Variants in RNF139 observed in about 807,000 individuals in gnomAD.
RNF139 encodes ring finger protein 139.
RNF139 carries 15 observed loss-of-function variants against 49.5 expected under a neutral mutation model. That is an observed-to-expected ratio of 0.30 (90% confidence interval 0.20 to 0.47). The LOEUF (loss-of-function observed/expected upper bound fraction) is 0.47, where lower values mean the gene tolerates loss of function less well. Ranked by LOEUF, RNF139 falls within the 20% of genes least tolerant of loss-of-function variation. The probability of loss-of-function intolerance (pLI) is 1.00; values close to 1 mark genes in which losing one functional copy is unlikely to be tolerated. For synonymous variants in RNF139, 325 were observed against 300.9 expected, an observed-to-expected ratio of 1.08 and a Z score of -0.83; for missense variants, 619 against 806.3, an observed-to-expected ratio of 0.77 and a Z score of 2.81.
Position 124,487,157 on chromosome 8 carries a change from A to T in RNF139, c.1508A>T (p.His503Leu). Residue 503 changes from histidine to leucine, a missense_variant, in exon 2 of 2, where the codon CAT (histidine) becomes CTT (leucine). Coordinates refer to ENST00000303545, the MANE Select transcript of RNF139 (RefSeq NM_007218.4). Reference sequence around the variant, plus strand: ...ATTCGGGCTTTTATGATGTGCCTACATGCATATTTTAACATCTACTTACAA... The same window carrying T: ...ATTCGGGCTTTTATGATGTGCCTACTTGCATATTTTAACATCTACTTACAA... ...SKIRAFMMCL[H>L]AYFNIYLQAK... 6.2e-7 allele frequency: 1 copy of T among 1,613,992 alleles called. No individual in the cohort carries two copies. Among genetic ancestry groups the T allele is most frequent in the Non-Finnish European group, 8.5e-7 (1 of 1,180,012 alleles).
intron 1 of RNF139, among the ~76,000 whole-genome samples, chr8:124,484,677 T>C (rs1268033862): frequency 2.6e-5 from 4 of 152,184 alleles, no homozygotes; most frequent in Non-Finnish European, 5.9e-5. Flanking sequence ...CCTTGGATAA[T>C]AATGTGTTTA....
rs1002408987 is a variant in RNF139, at chr8:124,474,915, C to G, written c.-195C>G. On this transcript the variant is annotated 5_prime_UTR_variant, in exon 1 of 2. Coordinates refer to ENST00000303545, the MANE Select transcript of RNF139 (RefSeq NM_007218.4). The surrounding 1 kb of genome is among the most constrained non-coding windows in gnomAD (Gnocchi z 4.6). ...TGGGGAGCCGCCGCCGCCGCCCTCT[C>G]GGCCATCGCTGCCTCCGCCGCCTGC... The G allele has an allele frequency of 5.9e-6, 2 of 336,894 alleles. No homozygotes were observed. The highest frequency in any genetic ancestry group is 4.9e-5 in the East Asian group (1 of 20,484). 20.9% of individuals were successfully genotyped at this position (336,894 alleles called of 1,614,324 possible).
At chr8:124,477,885 A>G (rs1306427374) in intron 1 of RNF139, among the ~76,000 whole-genome samples, 2 of 152,166 alleles carry the variant, frequency 1.3e-5, no homozygotes, top group Non-Finnish European at 2.9e-5. Flanking sequence ...GAAGACCCAG[A>G]AGTTCCAAGG....
rs760408365 is a variant in RNF139 at position 124,487,366 on chromosome 8, C to T, written c.1717C>T (p.Arg573Trp). 8.7e-6 allele frequency: 14 copies of T among 1,614,108 alleles called. No homozygotes were observed. The highest frequency in any genetic ancestry group is 1.0e-5 in the Non-Finnish European group (12 of 1,180,004). ...TCATTATTTCCATGCACTTTGCCTT[C>T]GGAAATGGCTGTACATTCAAGATAC... ...CNHYFHALCL[R>W]KWLYIQDTCP... is the part of the protein sequence containing the mutation. The change falls in exon 2 of 2, where the codon CGG becomes TGG. Residue 573 changes from arginine to tryptophan, a missense_variant. Arg to Trp is a moderately radical substitution (Grantham distance 101). Transcript: ENST00000303545.
intron 1 of RNF139, among the ~76,000 whole-genome samples, chr8:124,481,780 A>C (rs779746111): frequency 6.6e-6 from 1 of 152,134 alleles, no homozygotes; most frequent in Non-Finnish European, 1.5e-5. Context: ...CTGGACTTTT[A>C]TATTTTCTTA....
In RNF139 at chr8:124,486,089, T is replaced by C; in HGVS notation, c.440T>C (p.Ile147Thr). Residue 147 changes from isoleucine (I) to threonine (T), a missense_variant, in exon 2 of 2, where the codon ATT becomes ACT. Coordinates refer to ENST00000303545, the MANE Select transcript of RNF139 (RefSeq NM_007218.4). ...FGIGYVTLLQIHSIYSQLIIL... is the reference protein window; with the variant it reads ...FGIGYVTLLQTHSIYSQLIIL... ...ATTGGATACGTTACACTACTCCAGA[T>C]TCATTCCATCTATTCACAATTAATT... 6.2e-7 allele frequency: 1 copy of C among 1,614,230 alleles called. No individual in the cohort carries two copies.
Position 124,475,166 on chromosome 8 carries a change from G to T in RNF139, c.57G>T (p.Trp19Cys). The change falls in exon 1 of 2, where the codon TGG becomes TGT. Residue 19 changes from tryptophan to cysteine, a missense_variant. This residue lies in a region of RNF139 where 89 missense variants were observed against 77.5 expected (regional missense o/e 1.15). Coordinates refer to ENST00000303545, the MANE Select transcript of RNF139 (RefSeq NM_007218.4). ...TGCGGATGGCCCATCAGCAGGTCTG[G>T]GCGGCGCTCGAAGTGGCGCTCCGGG... is the stretch of plus-strand genomic sequence containing the variant. Reference protein sequence around the residue: ...QQVRMAHQQVWAALEVALRVP... With the variant: ...QQVRMAHQQVCAALEVALRVP... 6.2e-7 allele frequency: 1 copy of T among 1,613,298 alleles called. No individual in the cohort carries two copies. The highest frequency in any genetic ancestry group is 2.2e-5 in the East Asian group (1 of 44,850).
chr8:124,488,471 A>T lies in RNF139; in HGVS notation c.*827A>T, dbSNP rs117154266. ...AGAAAAAGAAGGGGAATGGTGGGGA[A>T]TGGTGTGTACCGATATATAGTATTT... On this transcript the variant is annotated 3_prime_UTR_variant, in exon 2 of 2. Transcript: ENST00000303545. The T allele has an allele frequency of 2.0e-4, 106 of 517,296 alleles. 1 individual carries two copies. Among genetic ancestry groups the T allele is most frequent in the Non-Finnish European group, 1.4e-4 (42 of 291,040 alleles). The allele number at this position is 517,296 out of a possible 1,614,324, so 32.0% of individuals were successfully genotyped here.
rs1816588126 is a variant in RNF139 at position 124,488,355 on chromosome 8, T to C, written c.*711T>C. On this transcript the variant is annotated 3_prime_UTR_variant, in exon 2 of 2. Coordinates refer to ENST00000303545, the MANE Select transcript of RNF139 (RefSeq NM_007218.4). ...GTCATAAAATTGTCCTTTCATTCTT[T>C]TGAAGATATTACAAAACAAAAATAG... is the stretch of plus-strand genomic sequence containing the variant. 1 of 287,128 alleles carries C rather than the reference T, an allele frequency of 3.5e-6. No individual in the cohort carries two copies. The highest frequency in any genetic ancestry group is 6.5e-6 in the Non-Finnish European group (1 of 153,458). 17.8% of individuals were successfully genotyped at this position (287,128 alleles called of 1,614,324 possible). A position where few individuals can be genotyped will look rare whatever the true frequency, so the allele number is the denominator to read the frequency against.
In RNF139 at chr8:124,487,757, T is replaced by TATTC. The variant is rs1816566872; in HGVS notation, c.*113_*114insATTC. 9.6e-7 allele frequency: 1 copy of TATTC among 1,040,528 alleles called. No homozygotes were observed. Among genetic ancestry groups the TATTC allele is most frequent in the Non-Finnish European group, 1.4e-6 (1 of 732,446 alleles). The allele number at this position is 1,040,528 out of a possible 1,614,324, so 64.5% of individuals were successfully genotyped here. Reference sequence around the variant, plus strand: ...ACCAAGCACAAAAACAGTATCAATGTTGAATCTGTGAATGGTTTTCCGTTT... The same window carrying TATTC: ...ACCAAGCACAAAAACAGTATCAATGTATTCTGAATCTGTGAATGGTTTTCCGTTT... On this transcript the variant is annotated 3_prime_UTR_variant, in exon 2 of 2. Transcript: ENST00000303545.
intron 1 of RNF139, among the ~76,000 whole-genome samples, chr8:124,477,446 G>A (rs1369701045): frequency 6.6e-6 from 1 of 152,290 alleles, no homozygotes; most frequent in African/African-American, 2.4e-5. Context: ...CTGTGTATAA[G>A]TCTTACCACT....
chr8:124,486,976 T>G lies in RNF139; in HGVS notation c.1327T>G (p.Leu443Val). 6.2e-7 allele frequency: 1 copy of G among 1,614,100 alleles called. No homozygotes were observed. Among genetic ancestry groups the G allele is most frequent in the East Asian group, 2.2e-5 (1 of 44,874 alleles). The change falls in exon 2 of 2, where the codon TTA becomes GTA. Residue 443 changes from leucine to valine, a missense_variant. Coordinates refer to ENST00000303545, the MANE Select transcript of RNF139 (RefSeq NM_007218.4). ...KVIVSLTVYT[L>V]FMIDGYYNVL... ...AATTGTTTCTCTCACTGTTTATACG[T>G]TATTCATGATTGATGGCTACTATAA...
chr8:124,486,672 T>C lies in RNF139; in HGVS notation c.1023T>C (p.Ser341=). ...FFILALQTGL[S]GLRPEERLIR... ...TTTTGGCTCTTCAGACTGGGTTAAG[T>C]GGGCTAAGACCAGAAGAGAGACTTA... Residue 341 remains serine, a synonymous_variant, in exon 2 of 2, where the codon AGT becomes AGC. Coordinates refer to ENST00000303545, the MANE Select transcript of RNF139 (RefSeq NM_007218.4). The C allele has an allele frequency of 1.2e-6, 2 of 1,614,130 alleles. No homozygotes were observed. The highest frequency in any genetic ancestry group is 1.7e-6 in the Non-Finnish European group (2 of 1,180,014).
intron 1 of RNF139, among the ~76,000 whole-genome samples, chr8:124,483,087 A>ATATCTTTAAACATG (rs1342643233): frequency 5.4e-5 from 1 of 18,444 alleles, no homozygotes; most frequent in Non-Finnish European, 8.4e-5. Flanking sequence ...TTAAATATAT[A>ATATCTTTAAACATG]TATATTTAAA....
In RNF139 at chr8:124,488,541, A is replaced by G; in HGVS notation, c.*897A>G. 1 of 917,536 alleles carries G rather than the reference A, an allele frequency of 1.1e-6. No individual in the cohort carries two copies. The highest frequency in any genetic ancestry group is 1.7e-6 in the Non-Finnish European group (1 of 578,434). The allele number at this position is 917,536 out of a possible 1,614,324, so 56.8% of individuals were successfully genotyped here. On this transcript the variant is annotated 3_prime_UTR_variant, in exon 2 of 2. Coordinates refer to ENST00000303545, the MANE Select transcript of RNF139 (RefSeq NM_007218.4). ...AATTTCTTTATTGAAACTATCAGGA[A>G]GTTTTACTATGAAATTTTACATACA...
chr8:124,475,923 GA>G (rs1210190160), intron 1 of RNF139, among the ~76,000 whole-genome samples: 5 of 152,238 alleles, frequency 3.3e-5, no homozygotes, highest in Non-Finnish European at 5.9e-5. Flanking sequence ...AAAAAGTGAT[GA>G]GACATTTGCC....
intron 1 of RNF139, among the ~76,000 whole-genome samples, chr8:124,480,428 G>C (rs570653611): frequency 2.2e-5 from 3 of 137,076 alleles, no homozygotes; most frequent in African/African-American, 8.3e-5. Context: ...AAAAAAAAAG[G>C]AAGTCAAATC....
At position 124,486,596 on chromosome 8, in the gene RNF139, C is replaced by T. The variant is rs1421873853; in HGVS notation, c.947C>T (p.Thr316Ile). Residue 316 changes from threonine to isoleucine, a missense_variant, in exon 2 of 2, where the codon ACT (threonine) becomes ATT (isoleucine). Thr to Ile is a moderately conservative substitution (Grantham distance 89). This residue lies in a region of RNF139 where 530 missense variants were observed against 728.9 expected (regional missense o/e 0.73). Transcript: ENST00000303545. ...GLGILAFIGS[T>I]EEDDRRLGFV... ...GGAATATTGGCCTTTATTGGATCAACTGAGGAAGATGACAGGCGTCTTGGC... is the reference window on the plus strand; with the variant it reads ...GGAATATTGGCCTTTATTGGATCAATTGAGGAAGATGACAGGCGTCTTGGC... 1 of 1,614,024 alleles carries T rather than the reference C, an allele frequency of 6.2e-7. No homozygotes were observed. The highest frequency in any genetic ancestry group is 1.3e-5 in the African/African-American group (1 of 74,906).
chr8:124,481,781 T>C (rs1055094411), intron 1 of RNF139, among the ~76,000 whole-genome samples: 27 of 152,174 alleles, frequency 1.8e-4, no homozygotes, highest in African/African-American at 6.3e-4. Context: ...TGGACTTTTA[T>C]ATTTTCTTAG....
Sources: allele counts gnomAD v4.1 joint callset (sites outside exome capture counted in the v4.1 genomes callset), GRCh38; gene constraint gnomAD v4.1.1; regional missense constraint gnomAD v4.1.1; non-coding constraint Gnocchi (gnomAD v3.1); transcripts MANE v1.5; gene names NCBI Gene and HGNC (gene_info 2026-07-23, HGNC 2026-07-21).